The following NSD1 variants were observed in gnomAD, a reference collection of about 807,000 sequenced individuals.
NSD1 encodes histone-lysine N-methyltransferase, H3 lysine-36 specific.
Under a neutral mutation model 242.7 loss-of-function variants are expected in NSD1, and 26 were observed. That is an observed-to-expected ratio of 0.11 (90% confidence interval 0.08 to 0.15). NSD1 has a LOEUF of 0.15. NSD1 is among the 10% of genes least tolerant of loss of function. The pLI is 1.00. For missense variants in NSD1, 2,495 were observed against 3,272.8 expected, an observed-to-expected ratio of 0.76 and a Z score of 5.80; for synonymous variants, 1,106 against 1,178.1, an observed-to-expected ratio of 0.94 and a Z score of 1.25.
intron 22 of NSD1, among the ~76,000 whole-genome samples, chr5:177,293,489 ATCT>A (rs1453962019): frequency 6.6e-6 from 1 of 151,958 alleles, no homozygotes; most frequent in Non-Finnish European, 1.5e-5. Flanking sequence ...TAAAAGTAAT[ATCT>A]TAAGTTTCAT....
chr5:177,165,705 C>A (rs1759130714), intron 2 of NSD1, among the ~76,000 whole-genome samples: 1 of 152,040 alleles, frequency 6.6e-6, no homozygotes, highest in Admixed American at 6.6e-5. Flanking sequence ...GCAATCCTTA[C>A]CTCCCACCTC....
chr5:177,246,850 C>A, intron 10 of NSD1, 54 bp downstream of exon 10: 2 of 1,227,532 alleles, frequency 1.6e-6, no homozygotes, highest in Non-Finnish European at 2.4e-6. Flanking sequence ...ACTTTTCACG[C>A]CAGAGGCCAC....
At chr5:177,180,106 T>A (rs1033025604) in intron 2 of NSD1, among the ~76,000 whole-genome samples, 4 of 151,438 alleles carry the variant, frequency 2.6e-5, no homozygotes, top group East Asian at 1.9e-4. Context: ...TATTTATTTT[T>A]TTTTTTGAGA....
At chr5:177,170,665 T>A (rs1759623960) in intron 2 of NSD1, among the ~76,000 whole-genome samples, 2 of 152,234 alleles carry the variant, frequency 1.3e-5, no homozygotes, top group Non-Finnish European at 2.9e-5. Flanking sequence ...CTTCATTTTT[T>A]ATTTTTTTGG....
chr5:177,175,172 G>GA (rs1196764336), intron 2 of NSD1, among the ~76,000 whole-genome samples: 3 of 152,094 alleles, frequency 2.0e-5, no homozygotes, highest in Non-Finnish European at 4.4e-5. Flanking sequence ...CACCCGGCCT[G>GA]ACTTTTAAGC....
rs1250856518 is a variant in NSD1, at chr5:177,209,747, G to A, written c.1348G>A (p.Asp450Asn). The change falls in exon 5 of 23, where the codon GAC (aspartate) becomes AAC (asparagine). Residue 450 changes from aspartate (D) to asparagine (N), a missense_variant. Asp to Asn is a conservative substitution (Grantham distance 23). This residue lies in a region of NSD1 where 515 missense variants were observed against 467.0 expected (regional missense o/e 1.10). Transcript: ENST00000439151. ...ATGTATTCCTGGTTCAATCAAGTTGGACAGTGAAGAAGATATGCCATTTGA... is the reference window on the plus strand; with the variant it reads ...ATGTATTCCTGGTTCAATCAAGTTGAACAGTGAAGAAGATATGCCATTTGA... ...RKCIPGSIKLDSEEDMPFEDC... is the reference protein window; with the variant it reads ...RKCIPGSIKLNSEEDMPFEDC... 6.2e-7 allele frequency: 1 copy of A among 1,614,118 alleles called. No homozygotes were observed. The highest frequency in any genetic ancestry group is 1.1e-5 in the South Asian group (1 of 91,084).
At chr5:177,166,028 G>C (rs1443804421) in intron 2 of NSD1, among the ~76,000 whole-genome samples, 3 of 151,004 alleles carry the variant, frequency 2.0e-5, no homozygotes, top group Admixed American at 6.6e-5. Context: ...TCCTGCCTCA[G>C]CCTCCCGAGT....
chr5:177,166,956 G>T (rs1234865781), intron 2 of NSD1, among the ~76,000 whole-genome samples: 3 of 151,746 alleles, frequency 2.0e-5, no homozygotes, highest in African/African-American at 7.3e-5. Context: ...ATTTTGGCCA[G>T]GGTGGTCTTG....
At chr5:177,214,245 TCA>T (rs1400203141) in intron 5 of NSD1, among the ~76,000 whole-genome samples, 2 of 152,108 alleles carry the variant, frequency 1.3e-5, no homozygotes, top group Non-Finnish European at 2.9e-5. Flanking sequence ...GGTAGGAGAA[TCA>T]CTTGAACCCG....
chr5:177,186,032 T>A (rs1761175732), intron 2 of NSD1, among the ~76,000 whole-genome samples: 1 of 104,566 alleles, frequency 9.6e-6, no homozygotes, highest in Non-Finnish European at 1.8e-5. Context: ...ATTATATATT[T>A]TTTATATATA....
chr5:177,284,171 C>T (rs1759114490), intron 20 of NSD1, among the ~76,000 whole-genome samples: 1 of 152,198 alleles, frequency 6.6e-6, no homozygotes, highest in Non-Finnish European at 1.5e-5. Flanking sequence ...CTTCACAGCC[C>T]CTGGCAACTA....
At chr5:177,217,600 T>C (rs1251611539) in intron 5 of NSD1, among the ~76,000 whole-genome samples, 2 of 151,922 alleles carry the variant, frequency 1.3e-5, no homozygotes, top group Non-Finnish European at 1.5e-5. Context: ...TTTTTATATA[T>C]AGTCTTTATT....
chr5:177,133,971 T>G lies in NSD1; in HGVS notation c.-18+19T>G, dbSNP rs1581084500. 2 of 85,296 alleles carry G rather than the reference T, an allele frequency of 2.3e-5. No homozygotes were observed. The highest frequency in any genetic ancestry group is 3.7e-4 in the South Asian group (1 of 2,668). 5.3% of individuals were successfully genotyped at this position (85,296 alleles called of 1,614,324 possible). On this transcript the variant is annotated intron_variant, in intron 1 of 22. Coordinates refer to ENST00000439151, the MANE Select transcript of NSD1 (RefSeq NM_022455.5). The surrounding 1 kb of genome is among the most constrained non-coding windows in gnomAD (Gnocchi z 6.2). ...GGGCACGGTAACTAGTGCGCTGGGG[T>G]GGGCGGCGGGCAGGCGCGAGGAGAA...
chr5:177,279,247 C>T (rs1206305130), intron 17 of NSD1, among the ~76,000 whole-genome samples: 12 of 152,104 alleles, frequency 7.9e-5, no homozygotes, highest in African/African-American at 1.9e-4. Context: ...TTTCAGAGAC[C>T]GAGGCGGGCA....
intron 2 of NSD1, 67 bp from the exon 3 acceptor site, chr5:177,191,817 A>T: frequency 6.5e-7 from 1 of 1,545,990 alleles, no homozygotes. Context: ...GAAGGCTAAT[A>T]GGAATGACAA....
chr5:177,230,842 G>A (rs1452081351), intron 5 of NSD1, among the ~76,000 whole-genome samples: 1 of 151,570 alleles, frequency 6.6e-6, no homozygotes, highest in East Asian at 1.9e-4. Context: ...AAAAAAAGAG[G>A]AAATGCAACA....
chr5:177,209,595 T>G (rs1214601560), intron 4 of NSD1, 41 bp from the exon 5 acceptor site: 1 of 1,493,360 alleles, frequency 6.7e-7, no homozygotes, highest in Non-Finnish European at 9.3e-7. Context: ...CCCACCCATT[T>G]CTTTGATAAG....
At chr5:177,212,309 A>G (rs763164658) in intron 5 of NSD1, 114 bp downstream of exon 5, 6 of 981,074 alleles carry the variant, frequency 6.1e-6, no homozygotes, top group South Asian at 2.9e-5. Context: ...CTAGCGGGGA[A>G]GAATCATCAC....
At chr5:177,273,172 T>C (rs1388916080) in intron 16 of NSD1, among the ~76,000 whole-genome samples, 2 of 152,168 alleles carry the variant, frequency 1.3e-5, no homozygotes, top group Non-Finnish European at 2.9e-5. Flanking sequence ...TCTGTGGGCT[T>C]TCTAAAGTCA....
Sources: gnomAD v4.1 joint callset for allele counts (sites outside exome capture counted in the v4.1 genomes callset) on GRCh38, gnomAD v4.1.1 for gene constraint, gnomAD v4.1.1 regional missense constraint, Gnocchi (gnomAD v3.1) non-coding constraint, MANE v1.5 for transcripts, NCBI Gene and HGNC (gene_info 2026-07-23, HGNC 2026-07-21) for gene names.